ST7: variants seen among roughly 807,000 people sequenced by gnomAD.
ST7 encodes suppressor of tumorigenicity 7 protein.
In ST7, 28 loss-of-function variants were observed where a neutral mutation model predicts 78.7. The observed-to-expected ratio is 0.36, with a 90% confidence interval of 0.26 to 0.49. The LOEUF (loss-of-function observed/expected upper bound fraction) is 0.49. ST7 is among the 20% of genes least tolerant of loss of function. The pLI is 0.99. For missense variants in ST7, 418 were observed against 696.0 expected (o/e 0.60, Z 4.49); for synonymous variants, 247 against 249.6 (o/e 0.99, Z 0.10).
At chr7:117,025,820 A>G (rs931793976) in intron 1 of ST7, among the ~76,000 whole-genome samples, 4 of 152,246 alleles carry the variant, frequency 2.6e-5, no homozygotes, top group African/African-American at 7.2e-5. Flanking sequence ...TTAGTAGTTG[A>G]CATTGTAATT....
chr7:117,044,355 T>C (rs1478206018), intron 1 of ST7, among the ~76,000 whole-genome samples: 1 of 152,162 alleles, frequency 6.6e-6, no homozygotes, highest in African/African-American at 2.4e-5. Flanking sequence ...GTGCTTTGTA[T>C]ATTCATGTAG....
At chr7:117,161,298 A>G (rs908852866) in intron 9 of ST7, among the ~76,000 whole-genome samples, 2 of 152,154 alleles carry the variant, frequency 1.3e-5, no homozygotes, top group African/African-American at 4.8e-5. Flanking sequence ...TGAGGAAGAA[A>G]CTTTTAAAAT....
chr7:117,147,113 T>C (rs1019459485), intron 9 of ST7, among the ~76,000 whole-genome samples: 20 of 152,144 alleles, frequency 1.3e-4, no homozygotes, highest in Non-Finnish European at 2.8e-4. Context: ...TACTCAACAC[T>C]GTTTTTCAAT....
chr7:117,211,557 A>G (rs1035430032), intron 13 of ST7, among the ~76,000 whole-genome samples: 2 of 152,204 alleles, frequency 1.3e-5, no homozygotes, highest in African/African-American at 2.4e-5. Context: ...GTAGATTGGC[A>G]TCTTAGAAAT....
intron 1 of ST7, chr7:117,076,544 G>A (rs3864652): frequency 0.076 from 11,552 of 152,390 alleles, 1,141 homozygotes; most frequent in East Asian, 0.41. Context: ...AAACAAGGTA[G>A]GAACTGGAGT....
At chr7:116,992,539 G>A (rs1245875444) in intron 1 of ST7, among the ~76,000 whole-genome samples, 1 of 152,202 alleles carries the variant, frequency 6.6e-6, no homozygotes, top group Non-Finnish European at 1.5e-5. Context: ...CACAGCACGG[G>A]ACCCTGGCCC....
At chr7:116,964,978 A>G (rs1191950148) in intron 1 of ST7, among the ~76,000 whole-genome samples, 2 of 152,208 alleles carry the variant, frequency 1.3e-5, no homozygotes, top group African/African-American at 4.8e-5. Context: ...GAAAGCACAG[A>G]AGTCATGGCA....
At chr7:117,209,002 A>G (rs986171184) in intron 12 of ST7, among the ~76,000 whole-genome samples, 4 of 151,746 alleles carry the variant, frequency 2.6e-5, no homozygotes, top group African/African-American at 9.7e-5. Context: ...AACATTTGCA[A>G]TTATAAAATA....
At chr7:117,084,313 A>G (rs1799983866) in intron 1 of ST7, among the ~76,000 whole-genome samples, 1 of 152,204 alleles carries the variant, frequency 6.6e-6, no homozygotes, top group African/African-American at 2.4e-5. Flanking sequence ...TCTAGGAGAC[A>G]GGTTGGGGGG....
At chr7:117,009,268 T>G (rs1563008898) in intron 1 of ST7, among the ~76,000 whole-genome samples, 2 of 31,726 alleles carry the variant, frequency 6.3e-5, no homozygotes, top group African/African-American at 1.1e-4. Context: ...TTTTTTTTTT[T>G]TTGTTTTTGG....
intron 1 of ST7, among the ~76,000 whole-genome samples, chr7:117,010,325 GC>G (rs1795337060): frequency 6.6e-6 from 1 of 152,222 alleles, no homozygotes; most frequent in South Asian, 2.1e-4. Flanking sequence ...TGGGAGTAGA[GC>G]CCAGTAATGG....
intron 2 of ST7, among the ~76,000 whole-genome samples, chr7:117,116,378 A>G (rs911970943): frequency 2.6e-5 from 4 of 152,220 alleles, no homozygotes; most frequent in African/African-American, 9.6e-5. Context: ...GGTATGCACC[A>G]GGGAAAAGAA....
At chr7:117,210,989 A>G (rs1242980210) in intron 13 of ST7, among the ~76,000 whole-genome samples, 1 of 152,154 alleles carries the variant, frequency 6.6e-6, no homozygotes, top group Non-Finnish European at 1.5e-5. Flanking sequence ...CACTCTGTTT[A>G]TCTTTACTGC....
intron 1 of ST7, among the ~76,000 whole-genome samples, chr7:117,061,120 A>G (rs1011786744): frequency 2.2e-4 from 34 of 152,228 alleles, no homozygotes; most frequent in African/African-American, 8.0e-4. Flanking sequence ...TTTAAAGACA[A>G]TTAAAAGGAG....
At chr7:117,015,771 T>C (rs1415537472) in intron 1 of ST7, among the ~76,000 whole-genome samples, 1 of 152,196 alleles carries the variant, frequency 6.6e-6, no homozygotes, top group Non-Finnish European at 1.5e-5. Context: ...TTCAGAATTA[T>C]ATTGCCCTAA....
chr7:117,068,670 A>G (rs1798762847), intron 1 of ST7, among the ~76,000 whole-genome samples: 1 of 152,218 alleles, frequency 6.6e-6, no homozygotes, highest in African/African-American at 2.4e-5. Context: ...CTGTGCAGTG[A>G]GCAGCTGACG....
chr7:117,160,245 A>AAGAG (rs1256789747), intron 9 of ST7, among the ~76,000 whole-genome samples: 3 of 149,846 alleles, frequency 2.0e-5, no homozygotes, highest in African/African-American at 7.5e-5. Context: ...AAAAAAAAAA[A>AAGAG]AGAAAGAAAG....
chr7:116,968,782 G>A (rs1189517720), intron 1 of ST7, among the ~76,000 whole-genome samples: 2 of 152,194 alleles, frequency 1.3e-5, no homozygotes, highest in Non-Finnish European at 2.9e-5. Flanking sequence ...CATAGTGGTA[G>A]TTACTGGAAT....
chr7:117,144,156 C>T (rs1017929630), intron 9 of ST7: 1 of 152,158 alleles, frequency 6.6e-6, no homozygotes, highest in Non-Finnish European at 1.5e-5. Flanking sequence ...TGCTGTTATA[C>T]TTTTACAAAC....
Sources: gnomAD v4.1 joint callset for allele counts (sites outside exome capture counted in the v4.1 genomes callset) on GRCh38, gnomAD v4.1.1 for gene constraint, MANE v1.5 for transcripts, NCBI Gene and HGNC (gene_info 2026-07-23, HGNC 2026-07-21) for gene names.